The following IRF2 variants were observed in gnomAD, a reference collection of about 807,000 sequenced individuals.
IRF2 encodes the protein interferon regulatory factor 2.
A neutral mutation model predicts 40.6 loss-of-function variants in IRF2; 15 were observed. The ratio of observed to expected loss-of-function variants is 0.37; its 90% CI spans 0.25 to 0.57. The LOEUF (loss-of-function observed/expected upper bound fraction) is 0.57. Among genes scored for constraint, IRF2 ranks in the 20% least tolerant of loss-of-function variants. The pLI is 0.77. For synonymous variants in IRF2, 151 were observed against 165.5 expected, an observed-to-expected ratio of 0.91 and a Z score of 0.67; for missense variants, 317 against 455.7, an observed-to-expected ratio of 0.70 and a Z score of 2.77.
At chr4:184,438,882 G>T (rs918232566) in intron 1 of IRF2, among the ~76,000 whole-genome samples, 5 of 152,080 alleles carry the variant, frequency 3.3e-5, no homozygotes, top group Non-Finnish European at 5.9e-5. Context: ...CTTCCTATGC[G>T]GCCACGCTTC....
At chr4:184,445,378 G>T (rs115858463) in intron 1 of IRF2, among the ~76,000 whole-genome samples, 1 of 152,244 alleles carries the variant, frequency 6.6e-6, no homozygotes, top group African/African-American at 2.4e-5. Context: ...AATAGGCCAG[G>T]CACAGTGGCT....
intron 7 of IRF2, among the ~76,000 whole-genome samples, chr4:184,395,412 C>A (rs868359204): frequency 1.3e-3 from 87 of 67,092 alleles, no homozygotes; most frequent in Admixed American, 1.9e-3. Flanking sequence ...GACTCCGTCT[C>A]AAAAAAAAAA....
chr4:184,412,616 G>C (rs1737118279), intron 5 of IRF2, among the ~76,000 whole-genome samples: 1 of 152,182 alleles, frequency 6.6e-6, no homozygotes. Flanking sequence ...GGACCTTGGC[G>C]AGTGCACACA....
chr4:184,409,066 G>A (rs1736975885), intron 5 of IRF2, among the ~76,000 whole-genome samples: 1 of 152,140 alleles, frequency 6.6e-6, no homozygotes, highest in Non-Finnish European at 1.5e-5. Flanking sequence ...GCCCTGAGGT[G>A]CCTGTGGACG....
At chr4:184,465,579 T>A (rs1739290189) in intron 1 of IRF2, among the ~76,000 whole-genome samples, 1 of 152,228 alleles carries the variant, frequency 6.6e-6, no homozygotes, top group Non-Finnish European at 1.5e-5. Flanking sequence ...CACATATGTT[T>A]TAAAAATAAA....
At chr4:184,427,903 A>T (rs1480751490) in intron 2 of IRF2, among the ~76,000 whole-genome samples, 2 of 152,106 alleles carry the variant, frequency 1.3e-5, no homozygotes, top group Non-Finnish European at 1.5e-5. Flanking sequence ...AGAAAAGGGG[A>T]GGGAGTGGAG....
At chr4:184,455,989 C>T (rs1428348013) in intron 1 of IRF2, among the ~76,000 whole-genome samples, 1 of 152,130 alleles carries the variant, frequency 6.6e-6, no homozygotes, top group Non-Finnish European at 1.5e-5. Flanking sequence ...AAGGTGGGCA[C>T]GTCAGTGTTA....
intron 2 of IRF2, among the ~76,000 whole-genome samples, chr4:184,424,468 A>G (rs1737597242): frequency 6.6e-6 from 1 of 152,152 alleles, no homozygotes; most frequent in African/African-American, 2.4e-5. Flanking sequence ...GAATGGATTA[A>G]TCCATTCAGG....
At chr4:184,391,423 A>G (rs1579786180) in intron 7 of IRF2, among the ~76,000 whole-genome samples, 1 of 152,328 alleles carries the variant, frequency 6.6e-6, no homozygotes, top group South Asian at 2.1e-4. Context: ...ACCTGCTGGG[A>G]GAGGAAACAC....
chr4:184,428,932 T>C (rs2149903961), intron 2 of IRF2, 46 bp downstream of exon 2: 2 of 1,476,946 alleles, frequency 1.4e-6, no homozygotes, highest in East Asian at 2.3e-5. Flanking sequence ...TGGGCGTGTT[T>C]CAGCCAGGAC....
At chr4:184,441,700 T>C (rs1738317129) in intron 1 of IRF2, among the ~76,000 whole-genome samples, 1 of 152,206 alleles carries the variant, frequency 6.6e-6, no homozygotes, top group African/African-American at 2.4e-5. Context: ...CATGAGGGTA[T>C]TAACAATAGC....
intron 1 of IRF2, among the ~76,000 whole-genome samples, chr4:184,447,262 C>T (rs547418898): frequency 1.2e-4 from 18 of 152,326 alleles, no homozygotes; most frequent in African/African-American, 2.9e-4. Flanking sequence ...CCTGATGGAG[C>T]TCCCACTGGC....
intron 6 of IRF2, among the ~76,000 whole-genome samples, chr4:184,407,595 C>A (rs1320069466): frequency 6.6e-6 from 1 of 152,194 alleles, no homozygotes; most frequent in African/African-American, 2.4e-5. Flanking sequence ...GGTAACACTG[C>A]AGTTATCTGG....
At chr4:184,427,929 T>C (rs1233041176) in intron 2 of IRF2, among the ~76,000 whole-genome samples, 1 of 152,182 alleles carries the variant, frequency 6.6e-6, no homozygotes, top group Non-Finnish European at 1.5e-5. Context: ...GAAAAAGGCA[T>C]TGACTCAGAA....
At chr4:184,464,216 A>T (rs947858520) in intron 1 of IRF2, among the ~76,000 whole-genome samples, 22 of 152,178 alleles carry the variant, frequency 1.4e-4, no homozygotes, top group Non-Finnish European at 2.2e-4. Context: ...GAAGATGGGG[A>T]CTATATAGGA....
At chr4:184,450,432 C>T (rs1441521269) in intron 1 of IRF2, among the ~76,000 whole-genome samples, 1 of 152,206 alleles carries the variant, frequency 6.6e-6, no homozygotes, top group Non-Finnish European at 1.5e-5. Flanking sequence ...ATTAATCTGG[C>T]ACACACTAGG....
intron 5 of IRF2, among the ~76,000 whole-genome samples, chr4:184,416,607 T>C (rs556556890): frequency 1.0e-3 from 152 of 152,284 alleles, no homozygotes; most frequent in Non-Finnish European, 1.9e-3. Flanking sequence ...GTGAACTTTT[T>C]CAGGTACAGT....
At chr4:184,437,831 CAAAA>C (rs35659512) in intron 1 of IRF2, among the ~76,000 whole-genome samples, 17 of 120,556 alleles carry the variant, frequency 1.4e-4, no homozygotes, top group African/African-American at 4.4e-4. Flanking sequence ...TTGGAACGTA[CAAAA>C]AAAAAAAAAA....
chr4:184,456,675 C>T (rs971430459), intron 1 of IRF2, among the ~76,000 whole-genome samples: 5 of 152,252 alleles, frequency 3.3e-5, no homozygotes, highest in Non-Finnish European at 5.9e-5. Flanking sequence ...AGCCCAGGGG[C>T]ACCAATGTCC....
Sources: allele counts gnomAD v4.1 joint callset (sites outside exome capture counted in the v4.1 genomes callset), GRCh38; gene constraint gnomAD v4.1.1; transcripts MANE v1.5; gene names NCBI Gene and HGNC (gene_info 2026-07-23, HGNC 2026-07-21).